PPM1B: variants seen among roughly 807,000 people sequenced by gnomAD.
PPM1B encodes the protein protein phosphatase, Mg2+/Mn2+ dependent 1B, also known as protein phosphatase 1B.
A neutral mutation model predicts 43.0 loss-of-function variants in PPM1B; 22 were observed. The observed-to-expected ratio is 0.51, with a 90% CI of 0.37 to 0.73. PPM1B has a LOEUF of 0.73. Among genes scored for constraint, PPM1B ranks in the 30% least tolerant of loss-of-function variants. PPM1B has a pLI of 0.00. For synonymous variants in PPM1B, 217 were observed against 197.9 expected (o/e 1.10, Z -0.81); for missense variants, 632 against 584.2 (o/e 1.08, Z -0.84).
intron 3 of PPM1B, among the ~76,000 whole-genome samples, chr2:44,214,305 G>A (rs976963748): frequency 6.6e-5 from 10 of 151,904 alleles, no homozygotes; most frequent in African/African-American, 1.2e-4. Flanking sequence ...TCGTGACCTC[G>A]TGATCTGCCC....
chr2:44,182,425 A>G (rs967391958), intron 1 of PPM1B, among the ~76,000 whole-genome samples: 1 of 151,574 alleles, frequency 6.6e-6, no homozygotes, highest in Non-Finnish European at 1.5e-5. Context: ...ATGCCTGGCT[A>G]ATTTTTTGTA....
chr2:44,233,685 T>C (rs1237109167), downstream of PPM1B: 1 of 985,748 alleles, frequency 1.0e-6, no homozygotes, highest in Middle Eastern at 5.2e-4. Flanking sequence ...GTATTTTCTG[T>C]AACGTTTTCC....
At position 44,186,422 on chromosome 2, in the gene PPM1B, G is replaced by A. The variant is rs951242626; in HGVS notation, c.-14-14764G>A. On this transcript the variant is annotated intron_variant, in intron 1 of 5. Transcript: ENST00000282412. ...CTTGCTCTGTCATCGAGGCTGGAAC[G>A]CAGTCATATCATCTCAGCTCACTGC... Among the ~76,000 whole-genome samples the A allele has an allele frequency of 2.0e-5, 3 of 152,264 alleles. No individual in the cohort carries two copies. In the South Asian group the frequency reaches 6.2e-4, roughly 32 times the overall value.
downstream of PPM1B, chr2:44,234,429 G>T (rs1005042937): frequency 3.8e-5 from 22 of 578,878 alleles, no homozygotes; most frequent in South Asian, 6.1e-4. Flanking sequence ...TGAGGCAGAA[G>T]AATTGCTTGA....
At chr2:44,219,725 C>A (rs1669884465) in intron 5 of PPM1B, among the ~76,000 whole-genome samples, 1 of 152,032 alleles carries the variant, frequency 6.6e-6, no homozygotes. Context: ...GGGCGGATCA[C>A]CTGAGGTTGG....
At chr2:44,222,180 A>C (rs1424585654) in intron 5 of PPM1B, among the ~76,000 whole-genome samples, 1 of 152,100 alleles carries the variant, frequency 6.6e-6, no homozygotes, top group Non-Finnish European at 1.5e-5. Context: ...TATAATTAGA[A>C]TATAAATTCT....
At chr2:44,184,915 TAA>T (rs1026812351) in intron 1 of PPM1B, among the ~76,000 whole-genome samples, 1 of 150,810 alleles carries the variant, frequency 6.6e-6, no homozygotes, top group Non-Finnish European at 1.5e-5. Context: ...GCAGGTATCT[TAA>T]AATATTATTA....
intron 3 of PPM1B, among the ~76,000 whole-genome samples, chr2:44,211,473 A>G (rs981984232): frequency 6.6e-6 from 1 of 152,168 alleles, no homozygotes; most frequent in African/African-American, 2.4e-5. Flanking sequence ...GTGCATCACA[A>G]TCAGGGAGGC....
At chr2:44,209,800 A>C (rs886244751) in intron 3 of PPM1B, among the ~76,000 whole-genome samples, 1 of 151,484 alleles carries the variant, frequency 6.6e-6, no homozygotes, top group Non-Finnish European at 1.5e-5. Flanking sequence ...AAAAAATTCC[A>C]TAGGACAAAC....
At chr2:44,196,773 C>T (rs1351170657) in intron 1 of PPM1B, among the ~76,000 whole-genome samples, 1 of 152,056 alleles carries the variant, frequency 6.6e-6, no homozygotes, top group Non-Finnish European at 1.5e-5. Context: ...GATTGTTTAT[C>T]CATTAAAAAA....
intron 5 of PPM1B, among the ~76,000 whole-genome samples, chr2:44,225,596 C>T (rs1011716735): frequency 6.6e-6 from 1 of 152,216 alleles, no homozygotes; most frequent in African/African-American, 2.4e-5. Flanking sequence ...TCTGTAATGT[C>T]AGCCATTGCA....
At chr2:44,214,103 A>C (rs1002631152) in intron 3 of PPM1B, among the ~76,000 whole-genome samples, 1 of 152,182 alleles carries the variant, frequency 6.6e-6, no homozygotes, top group Admixed American at 6.5e-5. Flanking sequence ...TTTTTGAGAC[A>C]GAGTCTCGCA....
chr2:44,216,558 C>T (rs1669728499), intron 3 of PPM1B, among the ~76,000 whole-genome samples: 2 of 152,114 alleles, frequency 1.3e-5, no homozygotes, highest in Non-Finnish European at 2.9e-5. Flanking sequence ...GAGTGTATTG[C>T]AGTGTACCTA....
chr2:44,200,549 A>G (rs142382077), intron 1 of PPM1B, among the ~76,000 whole-genome samples: 313 of 152,322 alleles, frequency 2.1e-3, no homozygotes, highest in African/African-American at 7.3e-3. Flanking sequence ...CAAAGTAATG[A>G]TAAGGTTTTC....
intron 5 of PPM1B, among the ~76,000 whole-genome samples, chr2:44,229,708 G>A (rs17032050): frequency 0.051 from 7,786 of 152,176 alleles, 654 homozygotes; most frequent in African/African-American, 0.18. Flanking sequence ...ATTTTAGTCT[G>A]TCGGCTTAAC....
intron 5 of PPM1B, among the ~76,000 whole-genome samples, chr2:44,224,973 A>G (rs1199057744): frequency 2.6e-5 from 4 of 152,154 alleles, no homozygotes; most frequent in African/African-American, 9.7e-5. Context: ...ACTCGCCATA[A>G]TGTATTCAAC....
intron 1 of PPM1B, among the ~76,000 whole-genome samples, chr2:44,180,836 G>C (rs927160353): frequency 6.6e-6 from 1 of 151,868 alleles, no homozygotes; most frequent in Non-Finnish European, 1.5e-5. Context: ...CCAAGGTCAC[G>C]AATTAGGGTG....
chr2:44,224,455 C>CAA (rs75767532), intron 5 of PPM1B, among the ~76,000 whole-genome samples: 131 of 84,644 alleles, frequency 1.5e-3, no homozygotes, highest in Middle Eastern at 6.2e-3. Flanking sequence ...ACTCCGTCTC[C>CAA]AAAAAAAAAA....
chr2:44,231,229 A>G lies in PPM1B; in HGVS notation c.*511A>G, dbSNP rs768221126. ...AATTTGTGTGTTGTTTGATTTGTTT[A>G]TATTTTACATCTCTGTAGTTTTATT... On this transcript the variant is annotated 3_prime_UTR_variant, in exon 6 of 6. Transcript: ENST00000282412. The G allele has an allele frequency of 1.1e-4, 112 of 982,074 alleles. No individual in the cohort carries two copies. Among genetic ancestry groups the G allele is most frequent in the Non-Finnish European group, 1.3e-4 (109 of 827,016 alleles). The allele number at this position is 982,074 out of a possible 1,614,324, so 60.8% of individuals were successfully genotyped here.
Sources: gnomAD v4.1 joint callset for allele counts (sites outside exome capture counted in the v4.1 genomes callset) on GRCh38, gnomAD v4.1.1 for gene constraint, MANE v1.5 for transcripts, NCBI Gene and HGNC (gene_info 2026-07-23, HGNC 2026-07-21) for gene names.